Variants in EFCAB8 observed in about 807,000 individuals in gnomAD.
EFCAB8 encodes EF-hand calcium-binding domain-containing protein 8.
Under a neutral mutation model 116.3 loss-of-function variants are expected in EFCAB8, and 100 were observed. The ratio of observed to expected loss-of-function variants is 0.86; its 90% confidence interval spans 0.73 to 1.02. The LOEUF is 1.02. Ranked by LOEUF, EFCAB8 falls within the 50% of genes least tolerant of loss-of-function variation. The pLI, the probability that EFCAB8 is intolerant of heterozygous loss-of-function variation, is 0.00. For synonymous variants in EFCAB8, 558 were observed against 567.9 expected, an observed-to-expected ratio of 0.98 and a Z score of 0.25; for missense variants, 1,320 against 1,416.9, an observed-to-expected ratio of 0.93 and a Z score of 1.10.
chr20:32,887,314 G>A (rs902639529), intron 6 of EFCAB8, among the ~76,000 whole-genome samples: 9 of 152,326 alleles, frequency 5.9e-5, no homozygotes, highest in East Asian at 5.8e-4. Flanking sequence ...GGAGGCTCAC[G>A]CCTGTAATCC....
intron 11 of EFCAB8, among the ~76,000 whole-genome samples, chr20:32,900,446 C>T (rs1006102985): frequency 5.3e-5 from 8 of 152,040 alleles, no homozygotes; most frequent in African/African-American, 1.2e-4. Context: ...CTGTAACCTC[C>T]GCCTTCCAGG....
In EFCAB8 at chr20:32,931,443, TA is replaced by T. The variant is rs1987906851; in HGVS notation, c.2790+109del. The T allele has an allele frequency of 1.1e-5, 15 of 1,340,298 alleles. No individual in the cohort carries two copies. The East Asian group carries it at 4.1e-4, about 36-fold the overall frequency. 83.0% of individuals were successfully genotyped at this position (1,340,298 alleles called of 1,614,324 possible). ...CAAGAGAAATACACTTACTAAAAGA[TA>T]AGAGCAAAAATATTGATAGAATTAG... On this transcript the variant is annotated intron_variant, in intron 22 of 26. Transcript: ENST00000400522.
intron 22 of EFCAB8, among the ~76,000 whole-genome samples, chr20:32,939,260 TTC>T (rs536679382): frequency 3.9e-5 from 5 of 129,458 alleles, no homozygotes; most frequent in Admixed American, 1.5e-4. Flanking sequence ...TCCTTCCATA[TTC>T]TCTCTCTCTC....
chr20:32,908,553 T>A, intron 14 of EFCAB8, 141 bp downstream of exon 14: 2 of 903,942 alleles, frequency 2.2e-6, no homozygotes, highest in Non-Finnish European at 2.9e-6. Flanking sequence ...GCCTGGCCTG[T>A]GAGGGGCCGT....
chr20:32,872,560 C>T (rs1984734225), intron 3 of EFCAB8, among the ~76,000 whole-genome samples: 1 of 151,924 alleles, frequency 6.6e-6, no homozygotes, highest in African/African-American at 2.4e-5. Flanking sequence ...TCCCAGCGAG[C>T]TGAGGTGGGT....
chr20:32,859,058 G>A (rs2032920521), intron 1 of EFCAB8, 52 bp downstream of exon 1: 1 of 470,936 alleles, frequency 2.1e-6, no homozygotes, highest in African/African-American at 2.0e-5. Flanking sequence ...GGATACCTCT[G>A]CTGAAGACCT....
At chr20:32,864,855 G>A (rs776890867) in intron 2 of EFCAB8, among the ~76,000 whole-genome samples, 16 of 152,220 alleles carry the variant, frequency 1.1e-4, no homozygotes, top group Non-Finnish European at 2.1e-4. Context: ...GAGACAAGGA[G>A]TAATAACAAG....
rs557726791 is a variant in EFCAB8 at position 32,874,770 on chromosome 20, A to G, written c.209-1156A>G. Among the ~76,000 whole-genome samples, 19 of 151,944 alleles carry G rather than the reference A, an allele frequency of 1.3e-4. No individual in the cohort carries two copies. The South Asian group carries it at 3.9e-3, about 32-fold the overall frequency. ...TTTTCTTTCTTCCTTTCTTTCTGAC[A>G]GAGTCTGGCTCTGTTGCCCAGGCTG... On this transcript the variant is annotated intron_variant, in intron 3 of 26. Coordinates refer to ENST00000400522, the MANE Select transcript of EFCAB8 (RefSeq NM_001143967.2).
At chr20:32,898,652 C>G in intron 11 of EFCAB8, 29 bp downstream of exon 11, 1 of 708,908 alleles carries the variant, frequency 1.4e-6, no homozygotes, top group Middle Eastern at 2.3e-4. Context: ...CTGGCTAAGG[C>G]GGTGGGGCTG....
intron 11 of EFCAB8, among the ~76,000 whole-genome samples, chr20:32,905,216 T>C (rs942017631): frequency 6.6e-6 from 1 of 152,184 alleles, no homozygotes; most frequent in African/African-American, 2.4e-5. Flanking sequence ...ATATTTTTTC[T>C]TCACCCATTG....
At chr20:32,879,961 T>C (rs576066123) in intron 5 of EFCAB8, among the ~76,000 whole-genome samples, 182 of 152,256 alleles carry the variant, frequency 1.2e-3, no homozygotes, top group African/African-American at 4.0e-3. Context: ...TCCCTAAGCA[T>C]GAGGAGCATT....
At position 32,920,139 on chromosome 20, in the gene EFCAB8, T is replaced by C; in HGVS notation, c.2336T>C (p.Ile779Thr). Residue 779 changes from isoleucine (I) to threonine (T), a missense_variant, in exon 20 of 27, where the codon ATT becomes ACT. Ile to Thr is a moderately conservative substitution (Grantham distance 89). Transcript: ENST00000400522. ...QSSKIHSKQS[I>T]YKEDETRKGE... ...AGCAAGATCCACAGCAAACAGTCCA[T>C]TTACAAAGAGGATGAAACGAGAAAA... 6.4e-7 allele frequency: 1 copy of C among 1,551,636 alleles called. No homozygotes were observed. The highest frequency in any genetic ancestry group is 2.0e-5 in the Admixed American group (1 of 50,982).
At chr20:32,922,147 A>G (rs1260947312) in intron 20 of EFCAB8, among the ~76,000 whole-genome samples, 1 of 152,084 alleles carries the variant, frequency 6.6e-6, no homozygotes, top group Non-Finnish European at 1.5e-5. Flanking sequence ...CTTTTTAACA[A>G]CTGCCCACTG....
Position 32,874,111 on chromosome 20 carries a change from C to T in EFCAB8, c.209-1815C>T, listed in dbSNP as rs189102158. ...AATTTTTGTATTTTCTGTGAAGATGCGGTTTCACCATGTTGCCCAGCCTGG... is the reference window on the plus strand; with the variant it reads ...AATTTTTGTATTTTCTGTGAAGATGTGGTTTCACCATGTTGCCCAGCCTGG... On this transcript the variant is annotated intron_variant, in intron 3 of 26. Transcript: ENST00000400522. Among the ~76,000 whole-genome samples the T allele has an allele frequency of 1.4e-3, 209 of 151,016 alleles. 1 individual carries two copies. Among genetic ancestry groups the T allele is most frequent in the Middle Eastern group, 6.8e-3 (2 of 294 alleles).
chr20:32,861,529 TC>T (rs1600350270), intron 1 of EFCAB8, among the ~76,000 whole-genome samples: 1 of 152,180 alleles, frequency 6.6e-6, no homozygotes, highest in East Asian at 1.9e-4. Flanking sequence ...CATCAGGTGA[TC>T]CGTCTGCCTC....
At position 32,948,389 on chromosome 20, in the gene EFCAB8, AC is replaced by A. The variant is rs1484955980; in HGVS notation, c.2959+4588del. Among the ~76,000 whole-genome samples the A allele has an allele frequency of 4.6e-5, 7 of 152,232 alleles. No individual in the cohort carries two copies. In the East Asian group the frequency reaches 1.4e-3, roughly 29 times the overall value. On this transcript the variant is annotated intron_variant, in intron 23 of 26. Transcript: ENST00000400522. Reference sequence around the variant, plus strand: ...CTAAATGGCTTCCATGGTGAATTTTACCCAAATATTTGAAGGGGAAATAATA... The same window carrying A: ...CTAAATGGCTTCCATGGTGAATTTTACCAAATATTTGAAGGGGAAATAATA...
intron 17 of EFCAB8, chr20:32,917,041 G>A (rs1987220234): frequency 4.5e-6 from 2 of 446,336 alleles, no homozygotes; most frequent in Non-Finnish European, 8.0e-6. Flanking sequence ...TTACCTAGGT[G>A]TCTGACTGGG....
intron 22 of EFCAB8, among the ~76,000 whole-genome samples, chr20:32,938,829 G>A (rs1483727333): frequency 6.7e-6 from 1 of 149,834 alleles, no homozygotes; most frequent in Admixed American, 6.6e-5. Context: ...ACTGGATGTT[G>A]TTAATATAGC....
Position 32,912,869 on chromosome 20 carries a change from G to A in EFCAB8, c.1856+5G>A. 2.8e-6 allele frequency: 2 copies of A among 718,862 alleles called. No individual in the cohort carries two copies. The highest frequency in any genetic ancestry group is 5.2e-6 in the Non-Finnish European group (2 of 385,110). 44.5% of individuals were successfully genotyped at this position (718,862 alleles called of 1,614,324 possible). A position where few individuals can be genotyped will look rare whatever the true frequency, so the allele number is the denominator to read the frequency against. On this transcript the variant is annotated splice_donor_5th_base_variant and intron_variant, in intron 17 of 26. Coordinates refer to ENST00000400522, the MANE Select transcript of EFCAB8 (RefSeq NM_001143967.2). ...TAAGAGAATCACTCATTTCCTGTGA[G>A]TAGAAAGCATGTATGGTGAGTAGGT... is the stretch of plus-strand genomic sequence containing the variant.
Sources: gnomAD v4.1 joint callset for allele counts (sites outside exome capture counted in the v4.1 genomes callset) on GRCh38, gnomAD v4.1.1 for gene constraint, MANE v1.5 for transcripts, NCBI Gene and HGNC (gene_info 2026-07-23, HGNC 2026-07-21) for gene names.